HPSE2: variants seen among roughly 807,000 people sequenced by gnomAD.
The protein encoded by HPSE2 is heparanase 2 (inactive), also known as inactive heparanase-2.
A neutral mutation model predicts 60.5 loss-of-function variants in HPSE2; 38 were observed. That is an observed-to-expected ratio of 0.63 (90% confidence interval 0.48 to 0.82). HPSE2 has a LOEUF of 0.82. Ranked by LOEUF, HPSE2 falls within the 40% of genes least tolerant of loss-of-function variation. The pLI is 0.00. For synonymous variants in HPSE2, 295 were observed against 293.2 expected (o/e 1.01, Z -0.06); for missense variants, 713 against 740.4 (o/e 0.96, Z 0.43).
At chr10:98,989,980 G>C (rs1022177963) in intron 3 of HPSE2, among the ~76,000 whole-genome samples, 12 of 152,128 alleles carry the variant, frequency 7.9e-5, no homozygotes, top group South Asian at 4.1e-4. Context: ...GCTTGTGGGC[G>C]TACCAAAACT....
intron 3 of HPSE2, among the ~76,000 whole-genome samples, chr10:98,932,977 G>A (rs945835216): frequency 1.4e-5 from 2 of 140,294 alleles, no homozygotes; most frequent in Non-Finnish European, 3.1e-5. Flanking sequence ...TCTATCTCCC[G>A]AGTTTGGTTA....
chr10:98,989,485 G>A (rs192690290), intron 3 of HPSE2, among the ~76,000 whole-genome samples: 17,068 of 147,340 alleles, frequency 0.12, 1,082 homozygotes, highest in South Asian at 0.21. Flanking sequence ...ATCAAACACC[G>A]GGGACTGTTG....
chr10:99,132,201 GAGAGAGAGAGAGAGAGAGAGAGAGA>G (rs1845444714), intron 3 of HPSE2, among the ~76,000 whole-genome samples: 1 of 17,086 alleles, frequency 5.9e-5, no homozygotes, highest in African/African-American at 1.0e-4. Flanking sequence ...AAGAGAGAGA[GAGAGAGAGAGAGAGAGAGAGAGAGA>G]GAGAGAGAGA....
chr10:98,707,133 G>C (rs138633049), intron 5 of HPSE2, among the ~76,000 whole-genome samples: 41 of 152,210 alleles, frequency 2.7e-4, no homozygotes, highest in Non-Finnish European at 5.4e-4. Flanking sequence ...AACACTGTTG[G>C]TGTGCTCAAG....
At chr10:99,091,917 G>A (rs1589641429) in intron 3 of HPSE2, among the ~76,000 whole-genome samples, 2 of 152,090 alleles carry the variant, frequency 1.3e-5, no homozygotes, top group East Asian at 3.9e-4. Context: ...TAACTCAAAA[G>A]TTGCTGTCAT....
the HPSE2 span, among the ~76,000 whole-genome samples, chr10:99,276,410 T>A: frequency 6.6e-6 from 1 of 152,178 alleles, no homozygotes; most frequent in Non-Finnish European, 1.5e-5. Flanking sequence ...TGTCTAGCCA[T>A]CACTTTTTAA....
At chr10:98,606,606 A>G (rs1171078279) in intron 9 of HPSE2, among the ~76,000 whole-genome samples, 1 of 152,256 alleles carries the variant, frequency 6.6e-6, no homozygotes, top group African/African-American at 2.4e-5. Context: ...GGTGTGTTCT[A>G]TTGAATCCTT....
chr10:99,138,885 C>G (rs1409417096), intron 3 of HPSE2, among the ~76,000 whole-genome samples: 1 of 151,878 alleles, frequency 6.6e-6, no homozygotes, highest in African/African-American at 2.4e-5. Context: ...AGAAATTAAT[C>G]ATTTTTTTAA....
intron 3 of HPSE2, among the ~76,000 whole-genome samples, chr10:98,878,471 A>C (rs1163346549): frequency 6.6e-6 from 1 of 151,986 alleles, no homozygotes; most frequent in African/African-American, 2.4e-5. Context: ...TGGATGAATA[A>C]GAGATAAGCA....
chr10:99,213,951 A>G (rs1430480604), intron 2 of HPSE2, among the ~76,000 whole-genome samples: 2 of 152,230 alleles, frequency 1.3e-5, no homozygotes, highest in African/African-American at 2.4e-5. Flanking sequence ...TTTGTAAATC[A>G]TATGTTTGAT....
intron 3 of HPSE2, among the ~76,000 whole-genome samples, chr10:98,790,849 G>A (rs954447831): frequency 1.3e-5 from 2 of 152,150 alleles, no homozygotes; most frequent in Admixed American, 1.3e-4. Flanking sequence ...TGAAAAAGAT[G>A]TGTAAAAGAT....
chr10:99,168,219 T>A (rs993116380), intron 2 of HPSE2, among the ~76,000 whole-genome samples: 2 of 152,138 alleles, frequency 1.3e-5, no homozygotes, highest in Non-Finnish European at 2.9e-5. Context: ...ATATGACATA[T>A]CTCCATGTAG....
intron 9 of HPSE2, among the ~76,000 whole-genome samples, chr10:98,609,234 C>T (rs543022591): frequency 6.6e-6 from 1 of 152,320 alleles, no homozygotes; most frequent in Admixed American, 6.5e-5. Flanking sequence ...GCTTCTGTTA[C>T]AGTCCCTGCT....
chr10:98,846,397 T>A (rs990189619), intron 3 of HPSE2, among the ~76,000 whole-genome samples: 1 of 152,196 alleles, frequency 6.6e-6, no homozygotes, highest in Non-Finnish European at 1.5e-5. Context: ...AAGTTTGTGA[T>A]CAGATGAAAA....
chr10:98,740,713 G>T (rs1949476047), intron 4 of HPSE2, among the ~76,000 whole-genome samples: 1 of 152,084 alleles, frequency 6.6e-6, no homozygotes. Context: ...TTGTTAACAT[G>T]GTGTAGGTAT....
At chr10:98,737,077 C>A (rs1180323348) in intron 4 of HPSE2, among the ~76,000 whole-genome samples, 1 of 152,016 alleles carries the variant, frequency 6.6e-6, no homozygotes, top group Non-Finnish European at 1.5e-5. Flanking sequence ...TCTTCCTCCT[C>A]CTCTTTTCCC....
intron 5 of HPSE2, among the ~76,000 whole-genome samples, chr10:98,703,858 A>G (rs781098292): frequency 6.6e-6 from 1 of 152,178 alleles, no homozygotes; most frequent in African/African-American, 2.4e-5. Flanking sequence ...AAAACTGGCC[A>G]AGACAAGGAT....
At chr10:99,051,520 C>G (rs954878869) in intron 3 of HPSE2, among the ~76,000 whole-genome samples, 2 of 151,962 alleles carry the variant, frequency 1.3e-5, no homozygotes, top group Non-Finnish European at 2.9e-5. Flanking sequence ...ATAGGAAATC[C>G]AGGAGAAGAA....
chr10:99,134,079 A>G lies in HPSE2; in HGVS notation c.610+10159T>C, dbSNP rs141676430. Reference sequence around the variant, plus strand: ...AGCACAAGAACTTCGTGAAGCATACACAAGTTTCAATAGCTGAATCGATCA... The same window carrying G: ...AGCACAAGAACTTCGTGAAGCATACGCAAGTTTCAATAGCTGAATCGATCA... On this transcript the variant is annotated intron_variant, in intron 3 of 11. Coordinates refer to ENST00000370552, the MANE Select transcript of HPSE2 (RefSeq NM_021828.5). Among the ~76,000 whole-genome samples, 1,002 of 152,366 alleles carry G rather than the reference A, an allele frequency of 6.6e-3. 7 individuals carry two copies. Among genetic ancestry groups the G allele is most frequent in the African/African-American group, 0.022 (931 of 41,584 alleles).
Sources: gnomAD v4.1 joint callset for allele counts (sites outside exome capture counted in the v4.1 genomes callset) on GRCh38, gnomAD v4.1.1 for gene constraint, MANE v1.5 for transcripts, NCBI Gene and HGNC (gene_info 2026-07-23, HGNC 2026-07-21) for gene names.